Variants in ANKRD26 observed in about 807,000 individuals in gnomAD.
ANKRD26 encodes the protein ankyrin repeat domain 26, also known as ankyrin repeat domain-containing protein 26.
In ANKRD26, 141 loss-of-function variants were observed where a neutral mutation model predicts 208.7. That is an observed-to-expected ratio of 0.68 (90% CI 0.59 to 0.78). The LOEUF is 0.78. Ranked by LOEUF, ANKRD26 falls within the 30% of genes least tolerant of loss-of-function variation. The probability of loss-of-function intolerance (pLI) is 0.00; values close to 1 mark genes in which losing one functional copy is unlikely to be tolerated. For synonymous variants in ANKRD26, 636 were observed against 660.4 expected, an observed-to-expected ratio of 0.96 and a Z score of 0.57; for missense variants, 1,889 against 1,938.7, an observed-to-expected ratio of 0.97 and a Z score of 0.48.
At chr10:27,086,472 C>G (rs911950402) in intron 5 of ANKRD26, 67 bp downstream of exon 5, 1 of 1,579,228 alleles carries the variant, frequency 6.3e-7, no homozygotes, top group Middle Eastern at 1.7e-4. Context: ...GTGATCAACA[C>G]TTCCTTACTT....
chr10:26,974,804 G>A (rs752151261), exon 6 of ANKRD26, among the ~76,000 whole-genome samples: 42 of 152,102 alleles, frequency 2.8e-4, no homozygotes, highest in African/African-American at 7.2e-4. Flanking sequence ...AGAATTCTTC[G>A]CTCTCAGCGT....
chr10:27,065,228 C>T (rs1382181359), intron 11 of ANKRD26, among the ~76,000 whole-genome samples: 1 of 152,194 alleles, frequency 6.6e-6, no homozygotes, highest in Non-Finnish European at 1.5e-5. Flanking sequence ...TCATATGAAG[C>T]ACTTATAGTG....
Position 27,035,231 on chromosome 10 carries a change from G to A in ANKRD26, c.3219C>T (p.Leu1073=). The A allele has an allele frequency of 6.2e-7, 1 of 1,613,950 alleles. No individual in the cohort carries two copies. The highest frequency in any genetic ancestry group is 8.5e-7 in the Non-Finnish European group (1 of 1,179,914). ...GATGGAACTCAATTTCTAGGCTATT[G>A]AGTTTACTTTCAGTTTTAAATAGTT... ...SQQLFKTESK[L]NSLEIEFHHT... Residue 1073 remains leucine, a synonymous_variant, in exon 24 of 34, where the codon CTC becomes CTT. Coordinates refer to ENST00000376087, the MANE Select transcript of ANKRD26 (RefSeq NM_014915.3).
downstream of ANKRD26, among the ~76,000 whole-genome samples, chr10:27,003,372 A>G (rs1473197446): frequency 1.3e-5 from 2 of 152,170 alleles, no homozygotes; most frequent in Non-Finnish European, 2.9e-5. Flanking sequence ...CTATTTATCA[A>G]TATAGAAGGG....
intron 5 of ANKRD26, among the ~76,000 whole-genome samples, chr10:26,978,997 C>A (rs766168594): frequency 6.6e-6 from 1 of 152,056 alleles, no homozygotes; most frequent in East Asian, 1.9e-4. Flanking sequence ...CCGAGGCGGG[C>A]GGATCACGAG....
chr10:27,094,159 C>T (rs1423752017), intron 1 of ANKRD26, among the ~76,000 whole-genome samples: 4 of 152,118 alleles, frequency 2.6e-5, no homozygotes, highest in African/African-American at 7.2e-5. Context: ...TCCTTCTGCC[C>T]TTATTGTTAA....
At chr10:27,023,665 G>C (rs952002116) in intron 28 of ANKRD26, among the ~76,000 whole-genome samples, 1 of 152,224 alleles carries the variant, frequency 6.6e-6, no homozygotes, top group Middle Eastern at 3.4e-3. Context: ...CAAAGTAAAA[G>C]GGATGCCAAA....
downstream of ANKRD26, among the ~76,000 whole-genome samples, chr10:26,988,109 G>C (rs1185498154): frequency 6.6e-6 from 1 of 152,110 alleles, no homozygotes; most frequent in Non-Finnish European, 1.5e-5. Flanking sequence ...AACATGATGG[G>C]ATCAGACTGT....
Position 27,028,964 on chromosome 10 carries a change from AAT to A in ANKRD26, c.3879-21_3879-20del. On this transcript the variant is annotated intron_variant, in intron 26 of 33. Transcript: ENST00000376087. Reference sequence around the variant, plus strand: ...TTCAAGCCTGAAATGTATATTTTAAAATAATTATTCTCACAGATAAATTTTTA... The same window carrying A: ...TTCAAGCCTGAAATGTATATTTTAAAAATTATTCTCACAGATAAATTTTTA... 6.4e-7 allele frequency: 1 copy of A among 1,564,738 alleles called. No individual in the cohort carries two copies. Among genetic ancestry groups the A allele is most frequent in the Non-Finnish European group, 8.8e-7 (1 of 1,141,922 alleles).
At chr10:26,971,973 C>A (rs886620305), downstream of ANKRD26, among the ~76,000 whole-genome samples, 1 of 151,988 alleles carries the variant, frequency 6.6e-6, no homozygotes, top group Non-Finnish European at 1.5e-5. Flanking sequence ...CAGTGGCTCA[C>A]GCCTGTAATC....
intron 32 of ANKRD26, among the ~76,000 whole-genome samples, chr10:27,011,213 A>T (rs980044072): frequency 1.3e-5 from 2 of 152,196 alleles, no homozygotes; most frequent in African/African-American, 4.8e-5. Flanking sequence ...CACAACAAAA[A>T]CTAGTTGCTA....
At chr10:27,022,059 A>G (rs1378685554) in intron 29 of ANKRD26, among the ~76,000 whole-genome samples, 1 of 152,098 alleles carries the variant, frequency 6.6e-6, no homozygotes. Context: ...GATTCTATCA[A>G]TTTTTGCTTT....
rs772513845 is a variant in ANKRD26, at chr10:27,040,139, G to A, written c.2201C>T (p.Ser734Leu). Residue 734 changes from serine to leucine, a missense_variant, in exon 21 of 34, where the codon TCA (serine) becomes TTA (leucine). By Grantham distance (145) the Ser-to-Leu change is moderately radical. Transcript: ENST00000376087. ...SLLKIQDAAL[S>L]CERLLELKKN... ...TTTAAGTTCTAATAATCTTTCACAT[G>A]AAAGAGCTGCATCCTGGATTTTCAA... is the stretch of plus-strand genomic sequence containing the variant. The A allele has an allele frequency of 6.2e-7, 1 of 1,612,778 alleles. No homozygotes were observed. The highest frequency in any genetic ancestry group is 1.1e-5 in the South Asian group (1 of 91,032).
chr10:27,012,153 G>A (rs935082080), intron 32 of ANKRD26, among the ~76,000 whole-genome samples: 2 of 152,116 alleles, frequency 1.3e-5, no homozygotes, highest in Non-Finnish European at 2.9e-5. Flanking sequence ...ATGATTAAGG[G>A]TGGAACACTT....
chr10:26,986,891 A>C (rs906254792), intron 3 of ANKRD26, among the ~76,000 whole-genome samples: 2 of 152,260 alleles, frequency 1.3e-5, no homozygotes, highest in African/African-American at 4.8e-5. Context: ...AGGGATCTAG[A>C]ACTAGAAACA....
At position 27,014,729 on chromosome 10, in the gene ANKRD26, C is replaced by CAT. The variant is rs1491483606; in HGVS notation, c.4507-20_4507-19dup. On this transcript the variant is annotated intron_variant, in intron 30 of 33. Transcript: ENST00000376087. ...GCTTGTGCCTAAAACAAATTAAAAGCATATGTTTTAAAAATATATAACCTG... is the reference window on the plus strand; with the variant it reads ...GCTTGTGCCTAAAACAAATTAAAAGCATATATGTTTTAAAAATATATAACCTG... 1 of 1,593,972 alleles carries CAT rather than the reference C, an allele frequency of 6.3e-7. No homozygotes were observed. Among genetic ancestry groups the CAT allele is most frequent in the Non-Finnish European group, 8.6e-7 (1 of 1,164,334 alleles).
Position 27,092,468 on chromosome 10 carries a change from C to T in ANKRD26, c.576G>A (p.Gln192=), listed in dbSNP as rs41279942. Residue 192 remains glutamine (Q), a synonymous_variant, in exon 4 of 34, where the codon CAG becomes CAA. Coordinates refer to ENST00000376087, the MANE Select transcript of ANKRD26 (RefSeq NM_014915.3). The stretch of plus-strand genomic sequence containing the variant: ...TCTTTATTAAAAATTCCACCATTTG[C>T]TGCTTTTTTCCACTTACTGCAAGTA... ...PLLLAVSGKK[Q]QMVEFLIKKK... 25,763 of 1,613,338 alleles carry T rather than the reference C, an allele frequency of 0.016. 267 individuals are homozygous for T. The highest frequency in any genetic ancestry group is 0.019 in the Non-Finnish European group (22,263 of 1,179,600).
intron 6 of ANKRD26, among the ~76,000 whole-genome samples, chr10:27,081,863 G>C (rs2055918309): frequency 6.6e-6 from 1 of 151,848 alleles, no homozygotes. Context: ...TCAGCCTCCT[G>C]AGTACTGGGA....
rs1417821030 is a variant in ANKRD26 at position 27,060,390 on chromosome 10, G to C, written c.1519C>G (p.Pro507Ala). The change falls in exon 15 of 34, where the codon CCA becomes GCA. Residue 507 changes from proline to alanine, a missense_variant. This residue lies in a region of ANKRD26 where 1,272 missense variants were observed against 1,273.8 expected (regional missense o/e 1.00). Coordinates refer to ENST00000376087, the MANE Select transcript of ANKRD26 (RefSeq NM_014915.3). ...TCCTTCATTCCTCCTGCTTTATTTG[G>C]AACAGAATCTTTCATTTCAATGGTA... ...KPTIEMKDSV[P>A]NKAGGMKDVQ... 2.5e-6 allele frequency: 4 copies of C among 1,612,718 alleles called. No homozygotes were observed. The highest frequency in any genetic ancestry group is 1.1e-5 in the South Asian group (1 of 91,006).
Sources: gnomAD v4.1 joint callset for allele counts (sites outside exome capture counted in the v4.1 genomes callset) on GRCh38, gnomAD v4.1.1 for gene constraint, gnomAD v4.1.1 regional missense constraint, MANE v1.5 for transcripts, NCBI Gene and HGNC (gene_info 2026-07-23, HGNC 2026-07-21) for gene names.